ELF5: variants seen among roughly 807,000 people sequenced by gnomAD.
ELF5 encodes the protein E74 like ETS transcription factor 5.
Under a neutral mutation model 38.2 loss-of-function variants are expected in ELF5, and 31 were observed. The observed-to-expected ratio is 0.81, with a 90% CI of 0.61 to 1.10. The LOEUF is 1.10. ELF5 is among the 50% of genes least tolerant of loss of function. The pLI is 0.00. For synonymous variants in ELF5, 121 were observed against 112.5 expected (o/e 1.08, Z -0.48); for missense variants, 300 against 306.6 (o/e 0.98, Z 0.16).
In ELF5 at chr11:34,480,145, T is replaced by C; in HGVS notation, c.*73A>G. On this transcript the variant is annotated 3_prime_UTR_variant, in exon 7 of 7. Transcript: ENST00000257832. The stretch of plus-strand genomic sequence containing the variant: ...AAAAAAAGAGAAGAAAATGAAGCCT[T>C]TCGAATGTCTATTGCAATCTGATTG... The C allele has an allele frequency of 1.6e-6, 2 of 1,262,166 alleles. No individual in the cohort carries two copies. The highest frequency in any genetic ancestry group is 4.2e-5 in the Admixed American group (2 of 47,424). The allele number at this position is 1,262,166 out of a possible 1,614,324, so 78.2% of individuals were successfully genotyped here.
At chr11:34,485,445 G>A (rs769886866) in intron 4 of ELF5, among the ~76,000 whole-genome samples, 2 of 152,226 alleles carry the variant, frequency 1.3e-5, no homozygotes, top group African/African-American at 2.4e-5. Context: ...GAAAACAAAT[G>A]GAGTCATAAA....
At chr11:34,508,452 G>T (rs572419026) in intron 1 of ELF5, among the ~76,000 whole-genome samples, 2 of 152,110 alleles carry the variant, frequency 1.3e-5, no homozygotes, top group South Asian at 4.1e-4. Flanking sequence ...GCAGTGAACC[G>T]AGATTGTGCC....
At chr11:34,508,233 G>A (rs1850656887) in intron 1 of ELF5, among the ~76,000 whole-genome samples, 1 of 152,192 alleles carries the variant, frequency 6.6e-6, no homozygotes, top group Admixed American at 6.5e-5. Flanking sequence ...TGGGCGCAGT[G>A]GTTTACACCT....
chr11:34,504,089 T>G (rs1255928575), intron 2 of ELF5, among the ~76,000 whole-genome samples: 1 of 152,104 alleles, frequency 6.6e-6, no homozygotes, highest in Non-Finnish European at 1.5e-5. Context: ...AAGAGGGGGC[T>G]CTCATGATGG....
At chr11:34,493,795 A>T in intron 2 of ELF5, 83 bp from the exon 3 acceptor site, 11 of 1,194,680 alleles carry the variant, frequency 9.2e-6, no homozygotes, top group Non-Finnish European at 1.3e-5. Context: ...TCAGTTAAGT[A>T]ACATCCTCAT....
chr11:34,480,077 A>G lies in ELF5; in HGVS notation c.*141T>C, dbSNP rs1856896858. 5 of 678,942 alleles carry G rather than the reference A, an allele frequency of 7.4e-6. No individual in the cohort carries two copies. The highest frequency in any genetic ancestry group is 9.9e-6 in the Non-Finnish European group (4 of 402,482). 42.1% of individuals were successfully genotyped at this position (678,942 alleles called of 1,614,324 possible). ...GACAACAACTCTGAATCCAAATGTA[A>G]GCTGAGATGTGGAGAAATTTTATCA... On this transcript the variant is annotated 3_prime_UTR_variant, in exon 7 of 7. Coordinates refer to ENST00000257832, the MANE Select transcript of ELF5 (RefSeq NM_001422.4).
At chr11:34,481,314 G>A (rs1420837259) in intron 5 of ELF5, among the ~76,000 whole-genome samples, 2 of 152,042 alleles carry the variant, frequency 1.3e-5, no homozygotes, top group South Asian at 2.1e-4. Context: ...GTGAGCCACC[G>A]TGCCCAGCTT....
At position 34,491,740 on chromosome 11, in the gene ELF5, C is replaced by T. The variant is rs980362914; in HGVS notation, c.356-1681G>A. 1.1e-4 allele frequency: 16 copies of T among 152,052 alleles called. 1 individual carries two copies. The highest frequency in any genetic ancestry group is 3.9e-4 in the African/African-American group (16 of 41,384). The allele number at this position is 152,052 out of a possible 1,614,324, so 9.4% of individuals were successfully genotyped here. On this transcript the variant is annotated intron_variant, in intron 3 of 6. Coordinates refer to ENST00000257832, the MANE Select transcript of ELF5 (RefSeq NM_001422.4). ...TATAGGCACGCACCACCATGCCTGT[C>T]TAATTTTGTATTTTTAGTAGAGACG...
chr11:34,499,234 G>A (rs1850392478), intron 2 of ELF5, among the ~76,000 whole-genome samples: 1 of 152,048 alleles, frequency 6.6e-6, no homozygotes, highest in South Asian at 2.1e-4. Context: ...AAATTTTGAG[G>A]GAAAATTTTG....
At chr11:34,494,472 T>A (rs776979422) in intron 2 of ELF5, among the ~76,000 whole-genome samples, 1 of 152,126 alleles carries the variant, frequency 6.6e-6, no homozygotes, top group South Asian at 2.1e-4. Context: ...GGTTGTATTG[T>A]TGTTCTTGTG....
At chr11:34,511,142 C>T (rs1396967904) in intron 1 of ELF5, among the ~76,000 whole-genome samples, 1 of 152,246 alleles carries the variant, frequency 6.6e-6, no homozygotes, top group African/African-American at 2.4e-5. Context: ...CACTCACACA[C>T]ATATGCATAC....
chr11:34,503,599 C>T (rs573767313), intron 2 of ELF5, among the ~76,000 whole-genome samples: 31 of 151,910 alleles, frequency 2.0e-4, no homozygotes, highest in Non-Finnish European at 3.4e-4. Context: ...CAGGCATGTG[C>T]CACCATACCA....
intron 1 of ELF5, among the ~76,000 whole-genome samples, chr11:34,507,389 G>A (rs538977635): frequency 3.9e-5 from 6 of 152,358 alleles, no homozygotes; most frequent in South Asian, 2.1e-4. Context: ...GTGAGGGATG[G>A]AGGCTCTGAG....
At chr11:34,507,653 T>G (rs1850641990) in intron 1 of ELF5, among the ~76,000 whole-genome samples, 1 of 152,266 alleles carries the variant, frequency 6.6e-6, no homozygotes, top group Non-Finnish European at 1.5e-5. Flanking sequence ...CACTCTCTAC[T>G]GAATCCCATC....
chr11:34,505,512 C>G (rs1850589139), intron 2 of ELF5, 117 bp downstream of exon 2: 4 of 1,499,274 alleles, frequency 2.7e-6, no homozygotes, highest in Non-Finnish European at 3.6e-6. Context: ...GCCCTCTGCC[C>G]TGAACTCTGG....
At chr11:34,483,745 C>T (rs1564973871) in intron 4 of ELF5, among the ~76,000 whole-genome samples, 1 of 151,696 alleles carries the variant, frequency 6.6e-6, no homozygotes, top group Non-Finnish European at 1.5e-5. Flanking sequence ...CTATACTACA[C>T]CAACTACATT....
intron 2 of ELF5, among the ~76,000 whole-genome samples, 196 bp downstream of exon 2, chr11:34,505,433 T>C (rs934798196): frequency 2.0e-5 from 3 of 152,112 alleles, no homozygotes; most frequent in Non-Finnish European, 2.9e-5. Flanking sequence ...ACTAGGGAGT[T>C]TGGGGGTGAG....
Position 34,489,979 on chromosome 11 carries a change from G to A in ELF5, c.406+30C>T. The A allele has an allele frequency of 1.9e-6, 3 of 1,613,248 alleles. No individual in the cohort carries two copies. In the East Asian group the frequency reaches 6.7e-5, roughly 36 times the overall value. ...ATGTACCAATGACAACCTTGACAGA[G>A]CCTTGGGTGGCTTGCGCTTGGTTAC... On this transcript the variant is annotated intron_variant, in intron 4 of 6. Transcript: ENST00000257832.
chr11:34,503,476 T>TA (rs1554943592), intron 2 of ELF5, among the ~76,000 whole-genome samples: 1 of 149,978 alleles, frequency 6.7e-6, no homozygotes, highest in Non-Finnish European at 1.5e-5. Flanking sequence ...CTTTTTTTTT[T>TA]ATCTCACTGT....
Sources: allele counts gnomAD v4.1 joint callset (sites outside exome capture counted in the v4.1 genomes callset), GRCh38; gene constraint gnomAD v4.1.1; transcripts MANE v1.5; gene names NCBI Gene and HGNC (gene_info 2026-07-23, HGNC 2026-07-21).